The following SUPT3H variants were observed in gnomAD, a reference collection of about 807,000 sequenced individuals.
SUPT3H encodes the protein transcription initiation protein SPT3 homolog.
Under a neutral mutation model 44.3 loss-of-function variants are expected in SUPT3H, and 44 were observed. The observed-to-expected ratio is 0.99, with a 90% CI of 0.78 to 1.28. The LOEUF is 1.28. Ranked by LOEUF, SUPT3H falls within the 50% of genes most tolerant of loss-of-function variation. SUPT3H has a pLI of 0.00. For missense variants in SUPT3H, 380 were observed against 387.1 expected, an observed-to-expected ratio of 0.98 and a Z score of 0.15; for synonymous variants, 124 against 125.6, an observed-to-expected ratio of 0.99 and a Z score of 0.09.
At chr6:45,005,425 A>G (rs1374650927) in intron 5 of SUPT3H, among the ~76,000 whole-genome samples, 1 of 152,096 alleles carries the variant, frequency 6.6e-6, no homozygotes, top group Non-Finnish European at 1.5e-5. Flanking sequence ...TATGAATTTT[A>G]AAGCATCTTT....
chr6:44,900,789 C>T (rs1025004039), intron 10 of SUPT3H, among the ~76,000 whole-genome samples: 8 of 152,184 alleles, frequency 5.3e-5, no homozygotes, highest in African/African-American at 1.9e-4. Context: ...GGCAGACTGA[C>T]ACCTCACACG....
chr6:45,229,089 A>G (rs1309898429), intron 2 of SUPT3H, among the ~76,000 whole-genome samples: 1 of 152,238 alleles, frequency 6.6e-6, no homozygotes, highest in Non-Finnish European at 1.5e-5. Flanking sequence ...AACATTTTTT[A>G]AAATCATATA....
At chr6:44,959,419 A>G (rs981075974) in intron 7 of SUPT3H, among the ~76,000 whole-genome samples, 4 of 152,176 alleles carry the variant, frequency 2.6e-5, no homozygotes, top group African/African-American at 9.6e-5. Context: ...TTAAATCCAT[A>G]TAAATTAATC....
chr6:45,008,804 A>C (rs1217249946), intron 5 of SUPT3H, among the ~76,000 whole-genome samples: 2 of 152,044 alleles, frequency 1.3e-5, no homozygotes, highest in African/African-American at 4.8e-5. Context: ...GCAATGGCAC[A>C]ATCACGGCTC....
chr6:45,285,347 C>A (rs35742914), intron 2 of SUPT3H, among the ~76,000 whole-genome samples: 1 of 151,944 alleles, frequency 6.6e-6, no homozygotes, highest in East Asian at 1.9e-4. Flanking sequence ...GAAAACCCCA[C>A]CGTCTCAGCC....
intron 7 of SUPT3H, chr6:44,955,361 T>C (rs1774947567): frequency 6.6e-6 from 1 of 152,360 alleles, no homozygotes; most frequent in Non-Finnish European, 1.5e-5. Flanking sequence ...GGAAATAAAG[T>C]TGGTGCTGTT....
chr6:44,986,975 A>G (rs914477714), intron 6 of SUPT3H, among the ~76,000 whole-genome samples: 4 of 152,160 alleles, frequency 2.6e-5, no homozygotes, highest in Admixed American at 6.6e-5. Context: ...GCCATAACAA[A>G]ATACCATAGA....
intron 10 of SUPT3H, among the ~76,000 whole-genome samples, chr6:44,831,790 T>C (rs1379859473): frequency 1.3e-5 from 2 of 152,134 alleles, no homozygotes; most frequent in African/African-American, 4.8e-5. Flanking sequence ...GGTTTTAATC[T>C]TTTCAGACGG....
At chr6:45,028,488 C>T (rs140254836) in intron 3 of SUPT3H, among the ~76,000 whole-genome samples, 2,940 of 151,326 alleles carry the variant, frequency 0.019, 56 homozygotes, top group South Asian at 0.086. Flanking sequence ...GCTATTTAGT[C>T]CTCTCCCATT....
intron 10 of SUPT3H, among the ~76,000 whole-genome samples, chr6:44,919,605 T>A (rs1010678760): frequency 6.6e-6 from 1 of 152,152 alleles, no homozygotes; most frequent in African/African-American, 2.4e-5. Flanking sequence ...TTGAATTTAG[T>A]CTCGAGAACA....
At chr6:44,850,392 T>C (rs1275653242) in intron 10 of SUPT3H, among the ~76,000 whole-genome samples, 1 of 152,226 alleles carries the variant, frequency 6.6e-6, no homozygotes. Flanking sequence ...CACACTCTTC[T>C]TGACATATAT....
intron 3 of SUPT3H, among the ~76,000 whole-genome samples, chr6:45,058,016 TAA>T (rs754525256): frequency 3.3e-5 from 5 of 152,170 alleles, no homozygotes; most frequent in Non-Finnish European, 5.9e-5. Context: ...GAGAGTGATA[TAA>T]GTTAGTTATC....
rs111448913 is a variant in SUPT3H, at chr6:45,006,641, G to A, written c.365-2849C>T. ...CAATCAAGTAACTTTTTCTTCTAACGTTTCACCCTTTCCAGTATCAAGAGA... is the reference window on the plus strand; with the variant it reads ...CAATCAAGTAACTTTTTCTTCTAACATTTCACCCTTTCCAGTATCAAGAGA... On this transcript the variant is annotated intron_variant, in intron 5 of 10. Transcript: ENST00000371459. 9.2e-3 allele frequency among the ~76,000 whole-genome samples: 1,391 copies of A among 151,928 alleles called. 14 individuals are homozygous for A. The highest frequency in any genetic ancestry group is 0.029 in the South Asian group (137 of 4,806).
intron 2 of SUPT3H, among the ~76,000 whole-genome samples, chr6:45,110,258 A>G (rs1164611458): frequency 6.6e-6 from 1 of 152,218 alleles, no homozygotes; most frequent in Non-Finnish European, 1.5e-5. Context: ...TCCGCTTGAC[A>G]GGTGCACAGT....
At chr6:44,951,931 G>T (rs1262381750) in intron 9 of SUPT3H, among the ~76,000 whole-genome samples, 4 of 152,104 alleles carry the variant, frequency 2.6e-5, no homozygotes, top group African/African-American at 4.8e-5. Context: ...TTTAAAGGGG[G>T]TTTTTTGACA....
At chr6:45,208,549 C>T (rs1763562383) in intron 2 of SUPT3H, among the ~76,000 whole-genome samples, 1 of 152,008 alleles carries the variant, frequency 6.6e-6, no homozygotes, top group Non-Finnish European at 1.5e-5. Context: ...CATGGTGAAA[C>T]CCTGTCCCTA....
intron 3 of SUPT3H, among the ~76,000 whole-genome samples, chr6:45,054,974 A>T (rs1056194636): frequency 6.6e-5 from 10 of 152,130 alleles, no homozygotes; most frequent in Non-Finnish European, 7.3e-5. Flanking sequence ...AGGGGTAATC[A>T]CTAAAAAGCC....
At chr6:44,909,863 T>G (rs1455930743) in intron 10 of SUPT3H, among the ~76,000 whole-genome samples, 1 of 152,188 alleles carries the variant, frequency 6.6e-6, no homozygotes, top group African/African-American at 2.4e-5. Flanking sequence ...GCTATCAAAT[T>G]TTCAAACTTT....
At chr6:45,371,843 T>C (rs1796118612) in intron 1 of SUPT3H, 2 of 983,976 alleles carry the variant, frequency 2.0e-6, no homozygotes, top group Non-Finnish European at 2.4e-6. Flanking sequence ...ACTTCAGAAC[T>C]ACAGTTTGAA....
Sources: gnomAD v4.1 joint callset for allele counts (sites outside exome capture counted in the v4.1 genomes callset) on GRCh38, gnomAD v4.1.1 for gene constraint, MANE v1.5 for transcripts, NCBI Gene and HGNC (gene_info 2026-07-23, HGNC 2026-07-21) for gene names.